The following CBFA2T2 variants were observed in gnomAD, a reference collection of about 807,000 sequenced individuals.
CBFA2T2 encodes the protein protein CBFA2T2.
A neutral mutation model predicts 62.2 loss-of-function variants in CBFA2T2; 11 were observed. The observed-to-expected ratio is 0.18, with a 90% CI of 0.11 to 0.29. CBFA2T2 has a LOEUF of 0.29. CBFA2T2 is among the 10% of genes least tolerant of loss of function. The probability of loss-of-function intolerance (pLI) is 1.00; values close to 1 mark genes in which losing one functional copy is unlikely to be tolerated. For missense variants in CBFA2T2, 592 were observed against 774.1 expected (o/e 0.76, Z 2.79); for synonymous variants, 295 against 287.5 (o/e 1.03, Z -0.27).
chr20:33,520,060 G>T (rs778652798), intron 1 of CBFA2T2, among the ~76,000 whole-genome samples: 1 of 152,096 alleles, frequency 6.6e-6, no homozygotes, highest in East Asian at 1.9e-4. Flanking sequence ...CAGGAGAATC[G>T]CTTGAACCTG....
At chr20:33,544,977 G>A (rs2012503387) in intron 1 of CBFA2T2, among the ~76,000 whole-genome samples, 1 of 147,714 alleles carries the variant, frequency 6.8e-6, no homozygotes, top group Admixed American at 6.8e-5. Context: ...GAATAGAATA[G>A]AATAGAATAG....
intron 1 of CBFA2T2, among the ~76,000 whole-genome samples, chr20:33,602,183 T>A (rs187371928): frequency 2.2e-4 from 34 of 152,220 alleles, no homozygotes; most frequent in Non-Finnish European, 4.9e-4. Flanking sequence ...CCACCATTGT[T>A]ATGTCCATTA....
At chr20:33,496,080 G>C (rs1430694016) in intron 1 of CBFA2T2, among the ~76,000 whole-genome samples, 1 of 152,154 alleles carries the variant, frequency 6.6e-6, no homozygotes, top group Non-Finnish European at 1.5e-5. Context: ...CTTTTGGGAA[G>C]GCAGGGGAGA....
chr20:33,609,804 CTT>C (rs1004907773), intron 2 of CBFA2T2, among the ~76,000 whole-genome samples: 1 of 152,116 alleles, frequency 6.6e-6, no homozygotes, highest in South Asian at 2.1e-4. Flanking sequence ...GACTAAATGT[CTT>C]TTTTCTAAGC....
intron 1 of CBFA2T2, among the ~76,000 whole-genome samples, chr20:33,560,539 C>G (rs2013045569): frequency 6.6e-6 from 1 of 152,136 alleles, no homozygotes; most frequent in East Asian, 1.9e-4. Flanking sequence ...AACACTGAAC[C>G]TGCTGGTGTT....
At chr20:33,582,488 C>CA (rs1398020797) in intron 1 of CBFA2T2, among the ~76,000 whole-genome samples, 2 of 149,372 alleles carry the variant, frequency 1.3e-5, no homozygotes, top group Non-Finnish European at 3.0e-5. Context: ...AACTCTATCT[C>CA]AAAAAAAATG....
chr20:33,579,799 GTC>G (rs200197175), intron 1 of CBFA2T2, among the ~76,000 whole-genome samples: 7 of 147,276 alleles, frequency 4.8e-5, no homozygotes, highest in Non-Finnish European at 7.4e-5. Context: ...ACATCTTGGT[GTC>G]TCTCTCTCTC....
chr20:33,601,763 A>T (rs1372109269), intron 1 of CBFA2T2: 1 of 151,926 alleles, frequency 6.6e-6, no homozygotes, highest in East Asian at 1.9e-4. Context: ...TCTACCCCAC[A>T]CAGCATAGAT....
At chr20:33,604,586 T>C (rs2015266217) in intron 1 of CBFA2T2, among the ~76,000 whole-genome samples, 1 of 152,218 alleles carries the variant, frequency 6.6e-6, no homozygotes, top group Admixed American at 6.5e-5. Flanking sequence ...TGGCCCACTA[T>C]CAAAGCTTTT....
intron 8 of CBFA2T2, among the ~76,000 whole-genome samples, chr20:33,634,560 A>T (rs2122370578): frequency 6.6e-6 from 1 of 151,138 alleles, no homozygotes; most frequent in South Asian, 2.1e-4. Context: ...TAGTCCGGCT[A>T]CTTGGGAAGC....
chr20:33,501,928 C>T (rs1197898202), intron 1 of CBFA2T2, among the ~76,000 whole-genome samples: 1 of 140,578 alleles, frequency 7.1e-6, no homozygotes, highest in Non-Finnish European at 1.5e-5. Context: ...GCATGAGCCA[C>T]TGCGCCTGGC....
In CBFA2T2 at chr20:33,490,299, A is replaced by G. The variant is rs2011136849; in HGVS notation, c.32A>G (p.Gln11Arg). 7.8e-7 allele frequency: 1 copy of G among 1,278,690 alleles called. No individual in the cohort carries two copies. Among genetic ancestry groups the G allele is most frequent in the South Asian group, 3.2e-5 (1 of 30,916 alleles). The allele number at this position is 1,278,690 out of a possible 1,614,324, so 79.2% of individuals were successfully genotyped here. MVGVPGAAAF[Q>R]LGPEKRVPAM... ...GGCGTCCCTGGAGCGGCCGCCTTCC[A>G]GCGTAAGTGGGGCGTGAATGCGGGC... The change falls in exon 1 of 11, where the codon CAG becomes CGG. Residue 11 changes from glutamine to arginine, a missense_variant and splice_region_variant. Gln to Arg is a conservative substitution (Grantham distance 43). This residue lies in a region of CBFA2T2 where 449 missense variants were observed against 551.2 expected (regional missense o/e 0.81). Transcript: ENST00000342704.
chr20:33,515,564 C>T (rs560353488), intron 1 of CBFA2T2, among the ~76,000 whole-genome samples: 3 of 151,490 alleles, frequency 2.0e-5, no homozygotes, highest in Middle Eastern at 3.4e-3. Flanking sequence ...TGTCATCCAG[C>T]GAGGCTGAGG....
At chr20:33,605,286 T>C (rs2015296790) in intron 1 of CBFA2T2, among the ~76,000 whole-genome samples, 1 of 152,208 alleles carries the variant, frequency 6.6e-6, no homozygotes, top group Non-Finnish European at 1.5e-5. Flanking sequence ...AACTTGGACT[T>C]TACCTTCTTA....
chr20:33,610,204 A>G (rs1283557921), intron 2 of CBFA2T2, among the ~76,000 whole-genome samples: 1 of 152,176 alleles, frequency 6.6e-6, no homozygotes, highest in Non-Finnish European at 1.5e-5. Flanking sequence ...GTGGGAGGAC[A>G]CCTGAGTCCA....
At chr20:33,539,039 T>G (rs1329089660) in intron 1 of CBFA2T2, among the ~76,000 whole-genome samples, 1 of 152,240 alleles carries the variant, frequency 6.6e-6, no homozygotes, top group East Asian at 1.9e-4. Context: ...TTGGCATTTC[T>G]GTTTACCATT....
At chr20:33,529,728 G>A (rs1392272327) in intron 1 of CBFA2T2, among the ~76,000 whole-genome samples, 1 of 136,450 alleles carries the variant, frequency 7.3e-6, no homozygotes, top group African/African-American at 2.9e-5. Context: ...CTTGTATCAA[G>A]AAAGAAGAAA....
chr20:33,499,704 G>C (rs1234918019), intron 1 of CBFA2T2, among the ~76,000 whole-genome samples: 2 of 152,128 alleles, frequency 1.3e-5, no homozygotes, highest in Non-Finnish European at 2.9e-5. Flanking sequence ...ATTTTCTGCT[G>C]GGCATTTTTT....
chr20:33,535,724 G>T (rs1291752138), intron 1 of CBFA2T2, among the ~76,000 whole-genome samples: 4 of 149,586 alleles, frequency 2.7e-5, no homozygotes, highest in South Asian at 2.1e-4. Context: ...CAGAGGGGGA[G>T]TTGGCAGGGT....
Sources: gnomAD v4.1 joint callset for allele counts (sites outside exome capture counted in the v4.1 genomes callset) on GRCh38, gnomAD v4.1.1 for gene constraint, gnomAD v4.1.1 regional missense constraint, MANE v1.5 for transcripts, NCBI Gene and HGNC (gene_info 2026-07-23, HGNC 2026-07-21) for gene names.